Variants in SLX4IP observed in about 807,000 individuals in gnomAD.
The protein encoded by SLX4IP is SLX4 interacting protein.
In SLX4IP, 34 loss-of-function variants were observed where a neutral mutation model predicts 32.9. The observed-to-expected ratio is 1.03, with a 90% CI of 0.79 to 1.38. The LOEUF is 1.38. Among genes scored for constraint, SLX4IP ranks in the 40% most tolerant of loss-of-function variants. SLX4IP has a pLI of 0.00. For missense variants in SLX4IP, 444 were observed against 479.0 expected (o/e 0.93, Z 0.68); for synonymous variants, 172 against 171.7 (o/e 1.00, Z -0.01).
At chr20:10,549,434 C>A (rs1227684311) in intron 2 of SLX4IP, among the ~76,000 whole-genome samples, 1 of 152,152 alleles carries the variant, frequency 6.6e-6, no homozygotes, top group South Asian at 2.1e-4. Context: ...TGTTGAGAAT[C>A]CCTGGTGCAG....
intron 2 of SLX4IP, among the ~76,000 whole-genome samples, chr20:10,537,435 C>T (rs1478562122): frequency 6.6e-6 from 1 of 152,218 alleles, no homozygotes; most frequent in African/African-American, 2.4e-5. Flanking sequence ...AAAGGAAACA[C>T]TGTTTCGTGA....
intron 2 of SLX4IP, among the ~76,000 whole-genome samples, chr20:10,519,387 A>C (rs2065884978): frequency 6.6e-6 from 1 of 151,942 alleles, no homozygotes; most frequent in Non-Finnish European, 1.5e-5. Flanking sequence ...GCCCACTCCT[A>C]CCCCTTGGCA....
chr20:10,600,146 T>G (rs1170048809), intron 5 of SLX4IP, among the ~76,000 whole-genome samples: 5 of 152,216 alleles, frequency 3.3e-5, no homozygotes, highest in Non-Finnish European at 7.3e-5. Flanking sequence ...CAATAAGATC[T>G]TTTAAGAACT....
intron 2 of SLX4IP, among the ~76,000 whole-genome samples, chr20:10,493,343 G>A (rs1265584546): frequency 2.6e-5 from 4 of 151,746 alleles, no homozygotes; most frequent in East Asian, 1.9e-4. Flanking sequence ...CATTTTTTTC[G>A]TTGTTGCTAC....
intron 2 of SLX4IP, among the ~76,000 whole-genome samples, chr20:10,533,010 C>T (rs559264479): frequency 3.3e-5 from 5 of 152,154 alleles, no homozygotes; most frequent in Non-Finnish European, 5.9e-5. Context: ...CTCCTGACCT[C>T]GTGATTTGCC....
intron 2 of SLX4IP, among the ~76,000 whole-genome samples, chr20:10,524,853 A>G (rs552257936): frequency 2.6e-5 from 4 of 152,308 alleles, no homozygotes; most frequent in South Asian, 2.1e-4. Flanking sequence ...TCTCCTGCTC[A>G]GTCATACTTG....
chr20:10,623,223 A>G lies in SLX4IP; in HGVS notation c.1071A>G (p.Glu357=). The change falls in exon 8 of 8, where the codon GAA becomes GAG. Residue 357 remains glutamate (E), a synonymous_variant. Transcript: ENST00000334534. ...KQDLAKTTSK[E]ELHVLESLSS... Reference sequence around the variant, plus strand: ...ATTTGGCAAAAACCACGTCTAAGGAAGAGTTGCATGTTTTGGAAAGTCTCT... The same window carrying G: ...ATTTGGCAAAAACCACGTCTAAGGAGGAGTTGCATGTTTTGGAAAGTCTCT... 6 of 1,614,234 alleles carry G rather than the reference A, an allele frequency of 3.7e-6. No homozygotes were observed. The highest frequency in any genetic ancestry group is 5.1e-6 in the Non-Finnish European group (6 of 1,180,042).
At chr20:10,527,069 T>C (rs549193495) in intron 2 of SLX4IP, among the ~76,000 whole-genome samples, 1 of 152,352 alleles carries the variant, frequency 6.6e-6, no homozygotes, top group Admixed American at 6.5e-5. Flanking sequence ...TCAAAAGATA[T>C]ATCATCTTCT....
At chr20:10,612,545 G>T (rs1202459471) in intron 6 of SLX4IP, among the ~76,000 whole-genome samples, 2 of 152,120 alleles carry the variant, frequency 1.3e-5, no homozygotes, top group East Asian at 1.9e-4. Context: ...CTCTGGTTGG[G>T]TTACTATTAT....
At chr20:10,511,608 T>G (rs1046982906) in intron 2 of SLX4IP, among the ~76,000 whole-genome samples, 5 of 152,260 alleles carry the variant, frequency 3.3e-5, no homozygotes, top group Non-Finnish European at 7.3e-5. Context: ...CAGCTGGACG[T>G]GTTCCATCTT....
At chr20:10,474,337 A>G (rs1387382478) in intron 2 of SLX4IP, among the ~76,000 whole-genome samples, 1 of 152,226 alleles carries the variant, frequency 6.6e-6, no homozygotes, top group Admixed American at 6.5e-5. Flanking sequence ...TCTGAACAAG[A>G]TATTCTTCAG....
intron 1 of SLX4IP, among the ~76,000 whole-genome samples, chr20:10,443,209 G>A (rs1323232633): frequency 6.6e-6 from 1 of 151,744 alleles, no homozygotes; most frequent in Admixed American, 6.6e-5. Context: ...GGATAAATAG[G>A]TATAAATCTA....
intron 2 of SLX4IP, among the ~76,000 whole-genome samples, chr20:10,458,850 T>C (rs1178494188): frequency 6.6e-6 from 1 of 152,212 alleles, no homozygotes; most frequent in East Asian, 1.9e-4. Flanking sequence ...TATAATAGAA[T>C]GATTTATATC....
chr20:10,437,463 T>C (rs2065124790), intron 1 of SLX4IP, among the ~76,000 whole-genome samples: 1 of 152,170 alleles, frequency 6.6e-6, no homozygotes, highest in Non-Finnish European at 1.5e-5. Flanking sequence ...GAAACAACTT[T>C]TACGTTTTAT....
intron 4 of SLX4IP, among the ~76,000 whole-genome samples, chr20:10,561,990 G>T (rs1281039391): frequency 6.6e-6 from 1 of 152,122 alleles, no homozygotes. Context: ...GGTGCCCTGC[G>T]GCTCAACCCT....
At chr20:10,464,497 A>G (rs2065364215) in intron 2 of SLX4IP, among the ~76,000 whole-genome samples, 1 of 152,238 alleles carries the variant, frequency 6.6e-6, no homozygotes, top group Non-Finnish European at 1.5e-5. Flanking sequence ...CAGCCTGAGT[A>G]ACATAGTGAG....
At chr20:10,558,369 G>T (rs78862415) in intron 3 of SLX4IP, among the ~76,000 whole-genome samples, 2 of 147,680 alleles carry the variant, frequency 1.4e-5, no homozygotes, top group African/African-American at 2.5e-5. Flanking sequence ...AAAACAATTC[G>T]CTGATGTTAA....
At chr20:10,547,190 C>A (rs1268072732) in intron 2 of SLX4IP, among the ~76,000 whole-genome samples, 2 of 152,244 alleles carry the variant, frequency 1.3e-5, no homozygotes, top group South Asian at 4.1e-4. Context: ...TACTGAAGGA[C>A]ATCACAGCCT....
At chr20:10,621,279 A>G in intron 6 of SLX4IP, 35 bp from the exon 7 acceptor site, 1 of 1,582,640 alleles carries the variant, frequency 6.3e-7, no homozygotes, top group South Asian at 1.1e-5. Flanking sequence ...CAGCTAATAG[A>G]TTTCTGGTTG....
Sources: allele counts gnomAD v4.1 joint callset (sites outside exome capture counted in the v4.1 genomes callset), GRCh38; gene constraint gnomAD v4.1.1; transcripts MANE v1.5; gene names NCBI Gene and HGNC (gene_info 2026-07-23, HGNC 2026-07-21).